LRP1B: variants seen among roughly 807,000 people sequenced by gnomAD.
LRP1B encodes the protein low-density lipoprotein receptor-related protein 1B.
Under a neutral mutation model 556.6 loss-of-function variants are expected in LRP1B, and 217 were observed. That is an observed-to-expected ratio of 0.39 (90% CI 0.35 to 0.44). The LOEUF is 0.44. LRP1B is among the 20% of genes least tolerant of loss of function. The pLI, the probability that LRP1B is intolerant of heterozygous loss-of-function variation, is 1.00. For synonymous variants in LRP1B, 2,047 were observed against 1,865.8 expected, an observed-to-expected ratio of 1.10 and a Z score of -2.50; for missense variants, 5,053 against 5,620.8, an observed-to-expected ratio of 0.90 and a Z score of 3.23.
intron 2 of LRP1B, among the ~76,000 whole-genome samples, chr2:141,617,389 G>A (rs557748103): frequency 1.1e-4 from 16 of 152,106 alleles, no homozygotes; most frequent in South Asian, 2.1e-4. Context: ...TTATTTCTAC[G>A]GGTACAATTT....
chr2:140,318,990 T>C (rs892527270), intron 82 of LRP1B, among the ~76,000 whole-genome samples: 2 of 152,108 alleles, frequency 1.3e-5, no homozygotes, highest in Non-Finnish European at 2.9e-5. Flanking sequence ...TAGAATAAAC[T>C]GAGACCAAGG....
Position 140,247,089 on chromosome 2 carries a change from T to G in LRP1B, c.13321A>C (p.Thr4441Pro). 13 of 1,607,778 alleles carry G rather than the reference T, an allele frequency of 8.1e-6. No homozygotes were observed. The highest frequency in any genetic ancestry group is 2.7e-5 in the African/African-American group (2 of 74,766). ...AATATTAATCTGAGAAACTTACTTG[T>G]GCTGATATGATCAGACTTGCTGCTC... ...PKSSKSDHIS[T>P]RSIAIIVPLV... is the part of the protein sequence containing the mutation. The change falls in exon 87 of 91, where the codon ACA (threonine) becomes CCA (proline). Residue 4441 changes from threonine to proline, a missense_variant. Around this residue, in one of 5 missense-constraint regions of LRP1B, gnomAD observed 551 missense variants for 592.0 expected, o/e 0.93. Transcript: ENST00000389484.
intron 2 of LRP1B, among the ~76,000 whole-genome samples, chr2:141,628,314 A>G (rs17736712): frequency 0.14 from 21,014 of 152,144 alleles, 1,590 homozygotes; most frequent in South Asian, 0.19. Context: ...TTGGATTCAG[A>G]AAGAAGGTAG....
chr2:141,164,856 G>A (rs1680183503), intron 7 of LRP1B, among the ~76,000 whole-genome samples: 1 of 152,016 alleles, frequency 6.6e-6, no homozygotes, highest in African/African-American at 2.4e-5. Context: ...TTCCTCTGCT[G>A]ATTGAAAATT....
At chr2:141,598,186 T>C (rs1459277267) in intron 2 of LRP1B, among the ~76,000 whole-genome samples, 3 of 152,040 alleles carry the variant, frequency 2.0e-5, no homozygotes, top group Non-Finnish European at 4.4e-5. Context: ...AAGGGCAGTA[T>C]AATCATAAAG....
chr2:141,694,363 C>T (rs1691656148), intron 2 of LRP1B, among the ~76,000 whole-genome samples: 1 of 152,046 alleles, frequency 6.6e-6, no homozygotes, highest in Non-Finnish European at 1.5e-5. Context: ...ACATAGGTGA[C>T]TGTGAGTGAG....
intron 3 of LRP1B, among the ~76,000 whole-genome samples, chr2:141,267,112 G>C (rs907076440): frequency 3.9e-5 from 6 of 152,304 alleles, no homozygotes; most frequent in African/African-American, 7.2e-5. Flanking sequence ...AACACCTTCT[G>C]TGGGTTGGCA....
chr2:141,178,202 G>T (rs546551687), intron 7 of LRP1B, among the ~76,000 whole-genome samples: 2 of 152,064 alleles, frequency 1.3e-5, no homozygotes, highest in Non-Finnish European at 2.9e-5. Context: ...CCAACTTCAG[G>T]TGTAGTGTGG....
At chr2:140,526,843 A>G (rs1225114998) in intron 47 of LRP1B, among the ~76,000 whole-genome samples, 2 of 151,898 alleles carry the variant, frequency 1.3e-5, no homozygotes, top group Admixed American at 6.6e-5. Context: ...ATTTCCTGCT[A>G]TAATAGAGAG....
intron 18 of LRP1B, among the ~76,000 whole-genome samples, chr2:140,976,269 T>TTCCTC (rs1672098021): frequency 1.3e-5 from 2 of 151,834 alleles, no homozygotes; most frequent in Admixed American, 1.3e-4. Flanking sequence ...GTCCTGTCCT[T>TTCCTC]TCCTCTCCTC....
At chr2:140,796,989 A>G (rs1378845979) in intron 32 of LRP1B, among the ~76,000 whole-genome samples, 1 of 152,024 alleles carries the variant, frequency 6.6e-6, no homozygotes, top group Non-Finnish European at 1.5e-5. Context: ...AAAGTCAGGT[A>G]TAAATATTAT....
intron 2 of LRP1B, among the ~76,000 whole-genome samples, chr2:141,792,418 A>G (rs1041946801): frequency 2.0e-5 from 3 of 151,966 alleles, no homozygotes; most frequent in Non-Finnish European, 4.4e-5. Flanking sequence ...CCTCTTGTGG[A>G]CCCTGCATTT....
At chr2:142,098,998 A>T (rs1278614197) in intron 1 of LRP1B, among the ~76,000 whole-genome samples, 1 of 151,854 alleles carries the variant, frequency 6.6e-6, no homozygotes, top group Non-Finnish European at 1.5e-5. Context: ...GACAGTATCA[A>T]TGATTCTTCA....
intron 41 of LRP1B, among the ~76,000 whole-genome samples, chr2:140,698,365 A>G (rs891537153): frequency 5.3e-5 from 8 of 152,098 alleles, no homozygotes; most frequent in Admixed American, 5.2e-4. Flanking sequence ...TTAAACTTAA[A>G]TTGTTTTAAA....
At chr2:140,944,085 G>A (rs1322872539) in intron 20 of LRP1B, among the ~76,000 whole-genome samples, 1 of 152,030 alleles carries the variant, frequency 6.6e-6, no homozygotes, top group African/African-American at 2.4e-5. Flanking sequence ...GGACAATGGT[G>A]ACATTACAAC....
chr2:141,362,666 T>C (rs1473741127), intron 3 of LRP1B, among the ~76,000 whole-genome samples: 1 of 152,218 alleles, frequency 6.6e-6, no homozygotes, highest in Non-Finnish European at 1.5e-5. Flanking sequence ...TGCAAATTCT[T>C]CCTTAACAAG....
chr2:141,913,967 C>T (rs531561634), intron 1 of LRP1B, among the ~76,000 whole-genome samples: 4 of 151,998 alleles, frequency 2.6e-5, no homozygotes, highest in Non-Finnish European at 2.9e-5. Context: ...AGGATGGTCT[C>T]GATCTCCTGA....
chr2:140,655,032 GTA>G (rs145869246), intron 41 of LRP1B, among the ~76,000 whole-genome samples: 7 of 147,042 alleles, frequency 4.8e-5, no homozygotes, highest in Non-Finnish European at 3.0e-5. Flanking sequence ...GTATATGTAT[GTA>G]TATATATATA....
At chr2:140,708,882 C>CTT (rs1243962588) in intron 37 of LRP1B, among the ~76,000 whole-genome samples, 23 of 151,970 alleles carry the variant, frequency 1.5e-4, no homozygotes, top group Non-Finnish European at 1.2e-4. Context: ...TGCAACCTAT[C>CTT]TTACCAGCAT....
Sources: allele counts gnomAD v4.1 joint callset (sites outside exome capture counted in the v4.1 genomes callset), GRCh38; gene constraint gnomAD v4.1.1; regional missense constraint gnomAD v4.1.1; transcripts MANE v1.5; gene names NCBI Gene and HGNC (gene_info 2026-07-23, HGNC 2026-07-21).